The following UBXN2B variants were observed in gnomAD, a reference collection of about 807,000 sequenced individuals.
UBXN2B encodes UBX domain-containing protein 2B.
A neutral mutation model predicts 37.5 loss-of-function variants in UBXN2B; 19 were observed. The observed-to-expected ratio is 0.51, with a 90% confidence interval of 0.35 to 0.74. UBXN2B has a LOEUF of 0.74. Ranked by LOEUF, UBXN2B falls within the 30% of genes least tolerant of loss-of-function variation. UBXN2B has a pLI of 0.01. For synonymous variants in UBXN2B, 145 were observed against 143.8 expected, an observed-to-expected ratio of 1.01 and a Z score of -0.06; for missense variants, 370 against 393.2, an observed-to-expected ratio of 0.94 and a Z score of 0.50.
At chr8:58,429,392 C>T (rs1455526101) in intron 2 of UBXN2B, among the ~76,000 whole-genome samples, 2 of 152,292 alleles carry the variant, frequency 1.3e-5, no homozygotes, top group African/African-American at 4.8e-5. Flanking sequence ...ACTCTGGACC[C>T]TTGAGTGTAA....
chr8:58,417,032 G>T, intron 2 of UBXN2B, 79 bp downstream of exon 2: 4 of 1,152,696 alleles, frequency 3.5e-6, no homozygotes, highest in Non-Finnish European at 4.8e-6. Context: ...TATTTTAAAT[G>T]GCCTTCTTCA....
intron 2 of UBXN2B, chr8:58,424,939 A>T (rs1017301020): frequency 2.3e-6 from 1 of 429,658 alleles, no homozygotes; most frequent in African/African-American, 2.5e-5. Context: ...CTCTCTGTTG[A>T]TGTCAGTCAG....
intron 2 of UBXN2B, among the ~76,000 whole-genome samples, chr8:58,422,833 C>G (rs182349555): frequency 6.6e-6 from 1 of 152,342 alleles, no homozygotes; most frequent in East Asian, 1.9e-4. Context: ...AAGACCCTCT[C>G]TTTATTTCTC....
Position 58,411,432 on chromosome 8 carries a change from C to T in UBXN2B, c.47C>T (p.Ser16Phe). ...GPEPGEQERR[S>F]SGPRPPSARD... is the part of the protein sequence containing the mutation. ...GAGCCCGGCGAGCAGGAGAGGAGGT[C>T]TTCCGGGCCGCGGCCTCCGAGCGCG... The change falls in exon 1 of 8, where the codon TCT becomes TTT. Residue 16 changes from serine to phenylalanine, a missense_variant. By Grantham distance (155) the Ser-to-Phe change is radical (BLOSUM62 -2). Coordinates refer to ENST00000399598, the MANE Select transcript of UBXN2B (RefSeq NM_001077619.2). The T allele has an allele frequency of 1.6e-6, 2 of 1,261,472 alleles. No individual in the cohort carries two copies. Among genetic ancestry groups the T allele is most frequent in the Non-Finnish European group, 1.0e-6 (1 of 997,678 alleles). The allele number at this position is 1,261,472 out of a possible 1,614,324, so 78.1% of individuals were successfully genotyped here. A position where few individuals can be genotyped will look rare whatever the true frequency, so the allele number is the denominator to read the frequency against.
chr8:58,438,358 C>T (rs931262622), intron 5 of UBXN2B, among the ~76,000 whole-genome samples: 1 of 152,178 alleles, frequency 6.6e-6, no homozygotes, highest in Admixed American at 6.5e-5. Flanking sequence ...GGAATGGTGG[C>T]GCCACCAGCA....
intron 6 of UBXN2B, among the ~76,000 whole-genome samples, chr8:58,445,654 A>G (rs1808649371): frequency 1.3e-5 from 2 of 152,192 alleles, no homozygotes; most frequent in Non-Finnish European, 2.9e-5. Flanking sequence ...TCGTATTTCT[A>G]AATAAAACTG....
At chr8:58,419,622 A>G (rs1020545608) in intron 2 of UBXN2B, among the ~76,000 whole-genome samples, 3 of 152,236 alleles carry the variant, frequency 2.0e-5, no homozygotes, top group South Asian at 2.1e-4. Flanking sequence ...TAAATGAGAT[A>G]AAGTGAATAA....
chr8:58,418,637 A>G (rs1367191382), intron 2 of UBXN2B, among the ~76,000 whole-genome samples: 3 of 152,206 alleles, frequency 2.0e-5, no homozygotes, highest in Non-Finnish European at 4.4e-5. Flanking sequence ...AGGATTTTCC[A>G]CCATTAGTGA....
intron 6 of UBXN2B, among the ~76,000 whole-genome samples, chr8:58,444,282 A>G (rs965138527): frequency 6.6e-6 from 1 of 152,216 alleles, no homozygotes; most frequent in Non-Finnish European, 1.5e-5. Flanking sequence ...CTAATAGCCA[A>G]CTTTTAGTAG....
intron 5 of UBXN2B, among the ~76,000 whole-genome samples, chr8:58,436,169 T>C (rs769982663): frequency 2.0e-5 from 3 of 152,180 alleles, no homozygotes; most frequent in Admixed American, 6.5e-5. Flanking sequence ...AAATGAAGTA[T>C]ATGAGGTTGT....
At chr8:58,426,772 G>T in intron 2 of UBXN2B, 1 of 623,028 alleles carries the variant, frequency 1.6e-6, no homozygotes. Context: ...CCCGAGGGAG[G>T]CCCGCTCGGG....
chr8:58,440,788 AT>A (rs1399438647), intron 6 of UBXN2B, among the ~76,000 whole-genome samples: 4 of 152,062 alleles, frequency 2.6e-5, no homozygotes, highest in African/African-American at 9.7e-5. Flanking sequence ...AAAAAATTCA[AT>A]ATTGCTTCTT....
intron 2 of UBXN2B, among the ~76,000 whole-genome samples, chr8:58,418,947 G>T (rs1807854095): frequency 6.6e-6 from 1 of 152,120 alleles, no homozygotes; most frequent in African/African-American, 2.4e-5. Context: ...CTTATCATAA[G>T]ATTACTGTAT....
chr8:58,445,814 C>G (rs1808652446), intron 6 of UBXN2B, 93 bp from the exon 7 acceptor site: 1 of 1,137,582 alleles, frequency 8.8e-7, no homozygotes, highest in Non-Finnish European at 1.2e-6. Context: ...GTATAGGAGA[C>G]TCAAATGAAG....
intron 2 of UBXN2B, chr8:58,424,553 C>A: frequency 1.1e-6 from 1 of 913,316 alleles, no homozygotes; most frequent in Middle Eastern, 3.4e-4. Flanking sequence ...GTGAAGTCCA[C>A]ATCTATTTTT....
At chr8:58,422,881 G>A (rs1807964117) in intron 2 of UBXN2B, among the ~76,000 whole-genome samples, 1 of 152,136 alleles carries the variant, frequency 6.6e-6, no homozygotes, top group Admixed American at 6.5e-5. Flanking sequence ...AAGCAGTTTT[G>A]GCTTCCCAAG....
chr8:58,417,502 TTTG>T (rs2129603698), intron 2 of UBXN2B, among the ~76,000 whole-genome samples: 1 of 152,346 alleles, frequency 6.6e-6, no homozygotes, highest in South Asian at 2.1e-4. Flanking sequence ...CTAAATAGTA[TTTG>T]TTGTTATTAA....
intron 2 of UBXN2B, among the ~76,000 whole-genome samples, chr8:58,417,397 C>G (rs1807813265): frequency 6.6e-6 from 1 of 152,130 alleles, no homozygotes; most frequent in Non-Finnish European, 1.5e-5. Context: ...CTCCATGGAG[C>G]CTCTGCAGGT....
At chr8:58,442,344 A>AT (rs1808569784) in intron 6 of UBXN2B, among the ~76,000 whole-genome samples, 1 of 152,214 alleles carries the variant, frequency 6.6e-6, no homozygotes. Flanking sequence ...TATATTAAAG[A>AT]TTTACATTAA....
Sources: gnomAD v4.1 joint callset for allele counts (sites outside exome capture counted in the v4.1 genomes callset) on GRCh38, gnomAD v4.1.1 for gene constraint, MANE v1.5 for transcripts, NCBI Gene and HGNC (gene_info 2026-07-23, HGNC 2026-07-21) for gene names.